The following PARD3B variants were observed in gnomAD, a reference collection of about 807,000 sequenced individuals.
PARD3B encodes partitioning defective 3 homolog B.
In PARD3B, 103 loss-of-function variants were observed where a neutral mutation model predicts 130.2. The observed-to-expected ratio is 0.79, with a 90% CI of 0.67 to 0.93. The LOEUF is 0.93. PARD3B is among the 40% of genes least tolerant of loss of function. The pLI is 0.00. For synonymous variants in PARD3B, 583 were observed against 553.2 expected (o/e 1.05, Z -0.76); for missense variants, 1,609 against 1,499.2 (o/e 1.07, Z -1.21).
chr2:205,012,092 C>T (rs1183603638), intron 3 of PARD3B, among the ~76,000 whole-genome samples: 1 of 152,136 alleles, frequency 6.6e-6, no homozygotes, highest in Admixed American at 6.5e-5. Flanking sequence ...GGTTGGCCTC[C>T]CTACCTCTGT....
intron 1 of PARD3B, among the ~76,000 whole-genome samples, chr2:204,585,719 T>C (rs1180098891): frequency 6.6e-6 from 1 of 152,096 alleles, no homozygotes; most frequent in Non-Finnish European, 1.5e-5. Flanking sequence ...ATAATATACG[T>C]CTGCACATTT....
intron 21 of PARD3B, among the ~76,000 whole-genome samples, chr2:205,534,034 TAAAAG>T (rs1337533425): frequency 1.3e-5 from 1 of 75,246 alleles, no homozygotes; most frequent in African/African-American, 4.4e-5. Context: ...GGAAAAGAGA[TAAAAG>T]AAAAAGTGAA....
intron 19 of PARD3B, among the ~76,000 whole-genome samples, chr2:205,416,374 G>A (rs182465387): frequency 2.3e-4 from 35 of 152,272 alleles, no homozygotes; most frequent in Non-Finnish European, 1.5e-5. Flanking sequence ...TTAGTTAAAT[G>A]AATGATTACA....
intron 1 of PARD3B, among the ~76,000 whole-genome samples, chr2:204,672,650 G>A (rs1041895128): frequency 1.3e-5 from 2 of 152,256 alleles, no homozygotes; most frequent in South Asian, 2.1e-4. Flanking sequence ...TCCAGGCATA[G>A]GAAAAAAATT....
chr2:205,318,622 A>G (rs897047268), intron 18 of PARD3B, among the ~76,000 whole-genome samples: 1 of 152,170 alleles, frequency 6.6e-6, no homozygotes, highest in African/African-American at 2.4e-5. Flanking sequence ...AGAAAACTAA[A>G]GGGTAATCCC....
chr2:205,610,197 G>A (rs2055180253), intron 22 of PARD3B, among the ~76,000 whole-genome samples: 1 of 152,118 alleles, frequency 6.6e-6, no homozygotes, highest in Non-Finnish European at 1.5e-5. Context: ...TGTTCTCAGG[G>A]AGAAAAGCTT....
At chr2:205,424,496 T>C (rs2047077121) in intron 19 of PARD3B, among the ~76,000 whole-genome samples, 2 of 152,134 alleles carry the variant, frequency 1.3e-5, no homozygotes, top group Non-Finnish European at 2.9e-5. Flanking sequence ...ACATGCTGTG[T>C]GGACAGCCGT....
intron 2 of PARD3B, among the ~76,000 whole-genome samples, chr2:204,912,339 C>T (rs1197946869): frequency 1.3e-5 from 2 of 151,820 alleles, no homozygotes. Context: ...TTGGATCTTC[C>T]CTACATTGCT....
intron 2 of PARD3B, among the ~76,000 whole-genome samples, chr2:204,731,251 T>G (rs1029257215): frequency 1.3e-5 from 2 of 152,234 alleles, no homozygotes; most frequent in Non-Finnish European, 2.9e-5. Context: ...CTCTTATTTA[T>G]TGTGGATTCC....
At chr2:205,226,498 T>G (rs924755722) in intron 15 of PARD3B, among the ~76,000 whole-genome samples, 1 of 152,210 alleles carries the variant, frequency 6.6e-6, no homozygotes, top group Admixed American at 6.5e-5. Context: ...GGGTTTTATA[T>G]GTAAGTATTT....
At chr2:205,310,970 C>A (rs1296715672) in intron 18 of PARD3B, among the ~76,000 whole-genome samples, 1 of 152,052 alleles carries the variant, frequency 6.6e-6, no homozygotes, top group East Asian at 1.9e-4. Flanking sequence ...GATCTGCCCG[C>A]CTTGGCCTCC....
chr2:204,592,261 A>G (rs987510269), intron 1 of PARD3B, among the ~76,000 whole-genome samples: 14 of 152,276 alleles, frequency 9.2e-5, no homozygotes, highest in African/African-American at 3.4e-4. Context: ...GTCATTTTCC[A>G]TGGAAATCCA....
rs374055935 is a variant in PARD3B, at chr2:204,557,006, A to ATTTT, written c.120+10897_120+10900dup. Among the ~76,000 whole-genome samples the ATTTT allele has an allele frequency of 7.0e-3, 1,007 of 144,158 alleles. 12 individuals carry two copies. The highest frequency in any genetic ancestry group is 0.024 in the African/African-American group (944 of 39,504). 94.6% of individuals were successfully genotyped at this position (144,158 alleles called of 152,430 possible). The stretch of plus-strand genomic sequence containing the variant: ...ACTCTCTACTCATGGGCTTTTCAGG[A>ATTTT]TTTTTTTTTTTTTGAGACAGAGTCT... On this transcript the variant is annotated intron_variant, in intron 1 of 22. Transcript: ENST00000406610.
At chr2:204,665,510 A>G (rs1402332205) in intron 1 of PARD3B, among the ~76,000 whole-genome samples, 1 of 152,146 alleles carries the variant, frequency 6.6e-6, no homozygotes. Flanking sequence ...ATCCACGCCT[A>G]TGATCCCTTC....
chr2:205,007,827 G>A (rs1037413336), intron 3 of PARD3B, among the ~76,000 whole-genome samples: 4 of 152,084 alleles, frequency 2.6e-5, no homozygotes, highest in African/African-American at 9.7e-5. Flanking sequence ...ATGAACATGG[G>A]ATGTTATTCC....
At chr2:204,946,398 C>T (rs934453193) in intron 2 of PARD3B, among the ~76,000 whole-genome samples, 3 of 151,676 alleles carry the variant, frequency 2.0e-5, no homozygotes, top group Non-Finnish European at 4.4e-5. Context: ...TAATTTTGCT[C>T]TGTTTCCTTT....
At chr2:205,177,131 T>TA (rs1196086217) in intron 13 of PARD3B, among the ~76,000 whole-genome samples, 1 of 152,140 alleles carries the variant, frequency 6.6e-6, no homozygotes, top group South Asian at 2.1e-4. Flanking sequence ...ACTCCAGATG[T>TA]AAAAAAATCT....
At chr2:205,161,664 A>G (rs752546491) in intron 11 of PARD3B, among the ~76,000 whole-genome samples, 2 of 152,228 alleles carry the variant, frequency 1.3e-5, no homozygotes, top group African/African-American at 2.4e-5. Flanking sequence ...GAGAGGATAC[A>G]CATGTAACAG....
chr2:204,599,516 A>G (rs2033424302), intron 1 of PARD3B, among the ~76,000 whole-genome samples: 1 of 151,844 alleles, frequency 6.6e-6, no homozygotes, highest in Non-Finnish European at 1.5e-5. Context: ...GAATGACAGG[A>G]TTTTATCCTT....
Sources: gnomAD v4.1 joint callset for allele counts (sites outside exome capture counted in the v4.1 genomes callset) on GRCh38, gnomAD v4.1.1 for gene constraint, MANE v1.5 for transcripts, NCBI Gene and HGNC (gene_info 2026-07-23, HGNC 2026-07-21) for gene names.